The following ZNF320 variants were observed in gnomAD, a reference collection of about 807,000 sequenced individuals.
ZNF320 encodes zinc finger protein 320.
Under a neutral mutation model 6.8 loss-of-function variants are expected in ZNF320, and 2 were observed. The ratio of observed to expected loss-of-function variants is 0.29; its 90% CI spans 0.12 to 0.93. The LOEUF (loss-of-function observed/expected upper bound fraction) is 0.93, where lower values mean the gene tolerates loss of function less well. ZNF320 is among the 40% of genes least tolerant of loss of function. ZNF320 has a pLI of 0.55. For missense variants in ZNF320, 472 were observed against 611.0 expected, an observed-to-expected ratio of 0.77 and a Z score of 2.40; for synonymous variants, 208 against 203.2, an observed-to-expected ratio of 1.02 and a Z score of -0.20.
chr19:52,860,603 A>AAAAAAG (rs2063481955), downstream of ZNF320, among the ~76,000 whole-genome samples: 1 of 151,808 alleles, frequency 6.6e-6, no homozygotes, highest in African/African-American at 2.4e-5. Context: ...GCATCAAAAA[A>AAAAAAG]AAAAAAAGAA....
At chr19:52,897,929 T>C (rs565458720), upstream of ZNF320, among the ~76,000 whole-genome samples, 3 of 152,300 alleles carry the variant, frequency 2.0e-5, no homozygotes, top group East Asian at 5.8e-4. Context: ...GCGCCTTTTT[T>C]CCAGGTTTTG....
intron 5 of ZNF320, among the ~76,000 whole-genome samples, chr19:52,866,259 G>A (rs984640500): frequency 1.4e-5 from 2 of 146,774 alleles, no homozygotes; most frequent in African/African-American, 5.0e-5. Flanking sequence ...AAATCATAAG[G>A]CTGGATGCAG....
rs1483673252 is a variant in ZNF320, at chr19:52,876,700, T to C, written c.*3896A>G. 6.6e-6 allele frequency: 1 copy of C among 152,226 alleles called. No homozygotes were observed. The highest frequency in any genetic ancestry group is 2.4e-5 in the African/African-American group (1 of 41,456). The allele number at this position is 152,226 out of a possible 1,614,324, so 9.4% of individuals were successfully genotyped here. ...TTGGTCAAAACGAGGATTCGCCATG[T>C]TAGCCAGGCTGTTCTCAAATACTTG... On this transcript the variant is annotated 3_prime_UTR_variant, in exon 6 of 6. Transcript: ENST00000682928.
intron 5 of ZNF320, chr19:52,865,251 G>C (rs2063522154): frequency 5.8e-6 from 1 of 171,750 alleles, no homozygotes; most frequent in African/African-American, 2.4e-5. Context: ...GAACCCAGAA[G>C]GCAGAGGTTG....
At chr19:52,899,178 CAAG>C (rs995731102), upstream of ZNF320, among the ~76,000 whole-genome samples, 21 of 152,282 alleles carry the variant, frequency 1.4e-4, no homozygotes, top group East Asian at 1.9e-3. Flanking sequence ...AGGTAGCAAA[CAAG>C]AGAGCAGTAA....
At chr19:52,885,992 A>G (rs756110291) in intron 5 of ZNF320, among the ~76,000 whole-genome samples, 1 of 152,176 alleles carries the variant, frequency 6.6e-6, no homozygotes, top group Non-Finnish European at 1.5e-5. Context: ...ACTTTTTTTC[A>G]TATTATTAAA....
downstream of ZNF320, among the ~76,000 whole-genome samples, chr19:52,872,492 C>T (rs367646644): frequency 7.9e-5 from 12 of 152,154 alleles, no homozygotes; most frequent in African/African-American, 2.6e-4. Context: ...TCTGAGTTCC[C>T]TCAGTATTTA....
chr19:52,885,351 C>T (rs1249688871), intron 5 of ZNF320, among the ~76,000 whole-genome samples: 1 of 151,898 alleles, frequency 6.6e-6, no homozygotes, highest in African/African-American at 2.4e-5. Context: ...GAGGGCAAGC[C>T]AGGCGGATCA....
intron 5 of ZNF320, among the ~76,000 whole-genome samples, chr19:52,884,059 A>T (rs992460017): frequency 6.6e-6 from 1 of 152,130 alleles, no homozygotes; most frequent in Non-Finnish European, 1.5e-5. Context: ...GACATTAAAG[A>T]GCTCATTGCC....
chr19:52,881,600 G>T lies in ZNF320; in HGVS notation c.526C>A (p.Leu176Ile). 1 of 1,613,972 alleles carries T rather than the reference G, an allele frequency of 6.2e-7. No homozygotes were observed. Among genetic ancestry groups the T allele is most frequent in the Non-Finnish European group, 8.5e-7 (1 of 1,179,928 alleles). Residue 176 changes from leucine to isoleucine, a missense_variant, in exon 6 of 6, where the codon CTT (leucine) becomes ATT (isoleucine). By Grantham distance (5) the Leu-to-Ile change is conservative (BLOSUM62 2). Transcript: ENST00000682928. Reference protein sequence around the residue: ...CEKVFSCKSHLEIHRIIHTGE... With the variant: ...CEKVFSCKSHIEIHRIIHTGE... ...GTATGAATTATCCTATGTATTTCAA[G>T]ATGTGATTTGCAACTGAAAACTTTC...
At chr19:52,870,555 G>C (rs1339909199) in intron 5 of ZNF320, among the ~76,000 whole-genome samples, 1 of 146,762 alleles carries the variant, frequency 6.8e-6, no homozygotes, top group Non-Finnish European at 1.5e-5. Flanking sequence ...CAAATGTTGT[G>C]TTTTCTACAT....
In ZNF320 at chr19:52,876,763, C is replaced by T. The variant is rs902156777; in HGVS notation, c.*3833G>A. 6.6e-6 allele frequency: 1 copy of T among 151,652 alleles called. No individual in the cohort carries two copies. The highest frequency in any genetic ancestry group is 1.5e-5 in the Non-Finnish European group (1 of 67,958). 9.4% of individuals were successfully genotyped at this position (151,652 alleles called of 1,614,324 possible). A position where few individuals can be genotyped will look rare whatever the true frequency, so the allele number is the denominator to read the frequency against. Reference sequence around the variant, plus strand: ...CTGCCCACCTTGGCCTCCCAAAGTGCTGGGATTACAGGCATGAGCCAGAGC... The same window carrying T: ...CTGCCCACCTTGGCCTCCCAAAGTGTTGGGATTACAGGCATGAGCCAGAGC... On this transcript the variant is annotated 3_prime_UTR_variant, in exon 6 of 6. Transcript: ENST00000682928.
At chr19:52,889,024 A>G (rs2064199412) in intron 4 of ZNF320, among the ~76,000 whole-genome samples, 1 of 152,018 alleles carries the variant, frequency 6.6e-6, no homozygotes, top group South Asian at 2.1e-4. Flanking sequence ...TCTTAACTAA[A>G]AATACAAAAA....
intron 5 of ZNF320, among the ~76,000 whole-genome samples, chr19:52,885,256 A>T (rs28751903): frequency 0.017 from 2,599 of 151,614 alleles, 83 homozygotes; most frequent in African/African-American, 0.058. Context: ...ACCCACAAAC[A>T]TATATAAAGT....
upstream of ZNF320, among the ~76,000 whole-genome samples, chr19:52,898,838 A>G (rs945843224): frequency 2.0e-5 from 3 of 152,220 alleles, no homozygotes; most frequent in African/African-American, 4.8e-5. Context: ...GTTCTAAGCC[A>G]TAAGTTGATT....
chr19:52,892,792 G>C (rs142636997), intron 2 of ZNF320, among the ~76,000 whole-genome samples: 2,643 of 151,114 alleles, frequency 0.017, 91 homozygotes, highest in African/African-American at 0.06. Context: ...AGATCCCCAG[G>C]TGTCCTCCCT....
chr19:52,881,142 A>G lies in ZNF320; in HGVS notation c.984T>C (p.Pro328=), dbSNP rs2063905072. Residue 328 remains proline (P), a synonymous_variant, in exon 6 of 6, where the codon CCT becomes CCC. Coordinates refer to ENST00000682928, the MANE Select transcript of ZNF320 (RefSeq NM_001351774.2). ...GHRRVHTGEK[P]YRCEECDKVF... ...CTTTGTCGCATTCTTCACATCTGTA[A>G]GGTTTCTCTCCAGTGTGAACTCTAC... 1.9e-6 allele frequency: 3 copies of G among 1,613,990 alleles called. No individual in the cohort carries two copies.
Position 52,881,088 on chromosome 19 carries a change from T to G in ZNF320, c.1038A>C (p.Arg346Ser). The change falls in exon 6 of 6, where the codon AGA becomes AGC. Residue 346 changes from arginine to serine, a missense_variant. Arg to Ser is a moderately radical substitution (Grantham distance 110). Coordinates refer to ENST00000682928, the MANE Select transcript of ZNF320 (RefSeq NM_001351774.2). Reference protein sequence around the residue: ...KVFSRKSHLERHRRIHTGEKP... With the variant: ...KVFSRKSHLESHRRIHTGEKP... The stretch of plus-strand genomic sequence containing the variant: ...TCTCTCCAGTATGAATCCTCCTATG[T>G]CTTTCAAGATGTGATTTGCGACTGA... The G allele has an allele frequency of 6.2e-7, 1 of 1,614,130 alleles. No homozygotes were observed. Among genetic ancestry groups the G allele is most frequent in the Non-Finnish European group, 8.5e-7 (1 of 1,180,024 alleles).
chr19:52,888,350 C>A, intron 4 of ZNF320, 97 bp from the exon 5 acceptor site: 1 of 410,648 alleles, frequency 2.4e-6, no homozygotes, highest in Non-Finnish European at 4.0e-6. Flanking sequence ...GATTTAATTG[C>A]AGAGAATGTT....
Sources: allele counts gnomAD v4.1 joint callset (sites outside exome capture counted in the v4.1 genomes callset), GRCh38; gene constraint gnomAD v4.1.1; transcripts MANE v1.5; gene names NCBI Gene and HGNC (gene_info 2026-07-23, HGNC 2026-07-21).